Variants in DNAH5 observed in about 807,000 individuals in gnomAD.
DNAH5 encodes the protein dynein axonemal heavy chain 5, also known as axonemal beta dynein heavy chain 5.
DNAH5 carries 372 observed loss-of-function variants against 518.2 expected under a neutral mutation model. The observed-to-expected ratio is 0.72, with a 90% CI of 0.66 to 0.78. The LOEUF is 0.78. DNAH5 is among the 30% of genes least tolerant of loss of function. The pLI, the probability that DNAH5 is intolerant of heterozygous loss-of-function variation, is 0.00. For missense variants in DNAH5, 5,523 were observed against 5,687.0 expected (o/e 0.97, Z 0.93); for synonymous variants, 2,039 against 2,025.9 (o/e 1.01, Z -0.17).
At position 13,717,531 on chromosome 5, in the gene DNAH5, C is replaced by T. The variant is rs200056509; in HGVS notation, c.12500-11G>A. The T allele has an allele frequency of 8.0e-4, 1,297 of 1,611,542 alleles. 1 individual carries two copies. The highest frequency in any genetic ancestry group is 1.0e-3 in the Non-Finnish European group (1,197 of 1,177,768). ...GGTCTTGGCTGACACCTGTTGTGGT[C>T]AGTTGGGTGAAAAATGTATCATCTC... On this transcript the variant is annotated splice_polypyrimidine_tract_variant and intron_variant, in intron 72 of 78. Transcript: ENST00000265104.
At chr5:13,954,246 A>G (rs1780617563) in intron 1 of DNAH5, among the ~76,000 whole-genome samples, 1 of 152,202 alleles carries the variant, frequency 6.6e-6, no homozygotes, top group African/African-American at 2.4e-5. Context: ...ACTATAAAAC[A>G]CTTCCTTCCC....
rs150800090 is a variant in DNAH5, at chr5:13,902,699, T to C, written c.1645-561A>G. On this transcript the variant is annotated intron_variant, in intron 12 of 78. Transcript: ENST00000265104. The stretch of plus-strand genomic sequence containing the variant: ...CAGGGCACTGTCTGGCTCTTGGACA[T>C]AGTTTGCTGACCCCTGCCCTAGAGG... Among the ~76,000 whole-genome samples the C allele has an allele frequency of 5.0e-3, 767 of 152,302 alleles. 4 individuals are homozygous for C. The highest frequency in any genetic ancestry group is 0.018 in the African/African-American group (733 of 41,560).
chr5:13,874,228 G>C (rs1770545903), intron 22 of DNAH5, among the ~76,000 whole-genome samples: 1 of 152,192 alleles, frequency 6.6e-6, no homozygotes, highest in South Asian at 2.1e-4. Flanking sequence ...ATGATGGTTT[G>C]AAGAATTAAT....
At position 13,845,038 on chromosome 5, in the gene DNAH5, T is replaced by C. The variant is rs1208305579; in HGVS notation, c.5115-45A>G. Reference sequence around the variant, plus strand: ...ATAAACCTTTATAACCACACAAAGCTGGTCGTTCAAGGAATAAATTAACCT... The same window carrying C: ...ATAAACCTTTATAACCACACAAAGCCGGTCGTTCAAGGAATAAATTAACCT... On this transcript the variant is annotated intron_variant, in intron 31 of 78. Coordinates refer to ENST00000265104, the MANE Select transcript of DNAH5 (RefSeq NM_001369.3). 3 of 1,592,434 alleles carry C rather than the reference T, an allele frequency of 1.9e-6. No homozygotes were observed. In the African/African-American group the frequency reaches 4.0e-5, roughly 21 times the overall value.
intron 1 of DNAH5, among the ~76,000 whole-genome samples, chr5:13,978,080 A>G (rs375307076): frequency 6.0e-4 from 92 of 152,294 alleles, no homozygotes; most frequent in African/African-American, 2.1e-3. Context: ...CATCGTCCCT[A>G]TGGAGGGGAG....
chr5:13,812,063 C>T (rs1157706207), intron 43 of DNAH5, among the ~76,000 whole-genome samples: 1 of 152,082 alleles, frequency 6.6e-6, no homozygotes, highest in East Asian at 1.9e-4. Flanking sequence ...AAACAGAGGC[C>T]CAGGAAGTGT....
At chr5:13,928,472 C>G (rs1376047820) in intron 2 of DNAH5, among the ~76,000 whole-genome samples, 1 of 152,206 alleles carries the variant, frequency 6.6e-6, no homozygotes, top group Non-Finnish European at 1.5e-5. Flanking sequence ...AAGTGTTGAG[C>G]TGTTGAAGGG....
chr5:13,830,515 G>A, intron 36 of DNAH5, 82 bp downstream of exon 36: 3 of 1,482,982 alleles, frequency 2.0e-6, no homozygotes, highest in East Asian at 2.3e-5. Context: ...TCTAAAATGT[G>A]GCCAATTGTT....
In DNAH5 at chr5:13,944,526, C is replaced by A; in HGVS notation, c.-88G>T. 8.7e-7 allele frequency: 1 copy of A among 1,148,446 alleles called. No individual in the cohort carries two copies. The highest frequency in any genetic ancestry group is 1.3e-6 in the Non-Finnish European group (1 of 772,798). 71.1% of individuals were successfully genotyped at this position (1,148,446 alleles called of 1,614,324 possible). A position where few individuals can be genotyped will look rare whatever the true frequency, so the allele number is the denominator to read the frequency against. On this transcript the variant is annotated 5_prime_UTR_variant, in exon 1 of 79. Coordinates refer to ENST00000265104, the MANE Select transcript of DNAH5 (RefSeq NM_001369.3). Reference sequence around the variant, plus strand: ...ACCTGCTCAACATCCAACAGGCTTCCAAATGGAAAGTTTTACTTCCATTTT... The same window carrying A: ...ACCTGCTCAACATCCAACAGGCTTCAAAATGGAAAGTTTTACTTCCATTTT...
chr5:13,778,760 A>G (rs1379080289), intron 53 of DNAH5, among the ~76,000 whole-genome samples: 1 of 152,156 alleles, frequency 6.6e-6, no homozygotes, highest in Non-Finnish European at 1.5e-5. Flanking sequence ...CCCAAATGAG[A>G]GTCTCTTGCA....
intron 47 of DNAH5, among the ~76,000 whole-genome samples, chr5:13,806,940 T>C (rs573202328): frequency 6.6e-6 from 1 of 152,276 alleles, no homozygotes; most frequent in East Asian, 1.9e-4. Context: ...GGGTGGAATG[T>C]TAAGTCGGGG....
chr5:13,799,888 T>G (rs1413195200), intron 47 of DNAH5, among the ~76,000 whole-genome samples: 1 of 152,212 alleles, frequency 6.6e-6, no homozygotes, highest in Non-Finnish European at 1.5e-5. Flanking sequence ...TGTATGTGTG[T>G]ATTTATTAAA....
upstream of DNAH5, among the ~76,000 whole-genome samples, chr5:13,948,114 G>A (rs1780074464): frequency 6.6e-6 from 1 of 152,192 alleles, no homozygotes; most frequent in African/African-American, 2.4e-5. Context: ...AGGAAGAAAT[G>A]TGTGTCCCGG....
At chr5:13,875,412 A>T (rs1770741612) in intron 22 of DNAH5, among the ~76,000 whole-genome samples, 1 of 144,828 alleles carries the variant, frequency 6.9e-6, no homozygotes, top group Non-Finnish European at 1.5e-5. Context: ...GGTTGCAGTG[A>T]GCCAAGATTG....
At chr5:13,876,962 G>C (rs1770984838) in intron 21 of DNAH5, 145 bp from the exon 22 acceptor site, 2 of 833,220 alleles carry the variant, frequency 2.4e-6, no homozygotes, top group Non-Finnish European at 3.7e-6. Flanking sequence ...GGAAAGAGTT[G>C]TCAATGTCAA....
At position 13,865,761 on chromosome 5, in the gene DNAH5, C is replaced by A; in HGVS notation, c.4262G>T (p.Ser1421Ile). ...ATAGCTATTTACAGTTTCTATGACA[C>A]TGTTGTACAGAGTATATATTTTCTG... is the stretch of plus-strand genomic sequence containing the variant. Reference protein sequence around the residue: ...LLQKIYTLYNSVIETVNSYYD... With the variant: ...LLQKIYTLYNIVIETVNSYYD... Residue 1421 changes from serine (S) to isoleucine (I), a missense_variant, in exon 27 of 79, where the codon AGT (serine) becomes ATT (isoleucine). Around this residue, in one of 3 missense-constraint regions of DNAH5, gnomAD observed 5,121 missense variants for 5,223.3 expected, o/e 0.98. Transcript: ENST00000265104. 1 of 1,610,492 alleles carries A rather than the reference C, an allele frequency of 6.2e-7. No individual in the cohort carries two copies. The highest frequency in any genetic ancestry group is 8.5e-7 in the Non-Finnish European group (1 of 1,176,786).
chr5:13,969,663 TGA>T, intron 1 of DNAH5, among the ~76,000 whole-genome samples: 1 of 152,350 alleles, frequency 6.6e-6, no homozygotes, highest in Non-Finnish European at 1.5e-5. Context: ...CACTGTGGTC[TGA>T]GAGAGTACTT....
chr5:13,831,840 T>A (rs542695699), intron 35 of DNAH5, among the ~76,000 whole-genome samples: 49 of 152,276 alleles, frequency 3.2e-4, no homozygotes, highest in African/African-American at 9.4e-4. Flanking sequence ...TCCACATGCA[T>A]CATCTCGTTT....
At chr5:13,909,626 T>C (rs1561550992) in intron 12 of DNAH5, among the ~76,000 whole-genome samples, 1 of 152,204 alleles carries the variant, frequency 6.6e-6, no homozygotes, top group Non-Finnish European at 1.5e-5. Flanking sequence ...CCTTGAGCTA[T>C]GTCTCTTTAT....
Sources: allele counts gnomAD v4.1 joint callset (sites outside exome capture counted in the v4.1 genomes callset), GRCh38; gene constraint gnomAD v4.1.1; regional missense constraint gnomAD v4.1.1; transcripts MANE v1.5; gene names NCBI Gene and HGNC (gene_info 2026-07-23, HGNC 2026-07-21).